Variants in TMEM132C observed in about 807,000 individuals in gnomAD.
The protein encoded by TMEM132C is transmembrane protein 132C.
TMEM132C carries 29 observed loss-of-function variants against 61.4 expected under a neutral mutation model. That is an observed-to-expected ratio of 0.47 (90% CI 0.35 to 0.64). The LOEUF (loss-of-function observed/expected upper bound fraction) is 0.64. Ranked by LOEUF, TMEM132C falls within the 30% of genes least tolerant of loss-of-function variation. The pLI, the probability that TMEM132C is intolerant of heterozygous loss-of-function variation, is 0.00. For missense variants in TMEM132C, 1,408 were observed against 1,476.9 expected (o/e 0.95, Z 0.76); for synonymous variants, 656 against 633.1 (o/e 1.04, Z -0.54).
intron 1 of TMEM132C, among the ~76,000 whole-genome samples, chr12:128,372,929 T>G (rs1874072975): frequency 6.6e-6 from 1 of 152,220 alleles, no homozygotes; most frequent in Non-Finnish European, 1.5e-5. Context: ...TTAGCAGCAA[T>G]TTTATAGGGG....
rs192175945 is a variant in TMEM132C, at chr12:128,602,453, C to G, written c.1122-13699C>G. Reference sequence around the variant, plus strand: ...CCTCTCGAGCTCTGCCTGATCTGCCCAAGATTGACCCAGGAGGGCAAGCTC... The same window carrying G: ...CCTCTCGAGCTCTGCCTGATCTGCCGAAGATTGACCCAGGAGGGCAAGCTC... On this transcript the variant is annotated intron_variant, in intron 3 of 8. Coordinates refer to ENST00000435159, the MANE Select transcript of TMEM132C (RefSeq NM_001136103.3). Among the ~76,000 whole-genome samples, 984 of 152,322 alleles carry G rather than the reference C, an allele frequency of 6.5e-3. 8 individuals are homozygous for G. The highest frequency in any genetic ancestry group is 8.1e-3 in the Non-Finnish European group (554 of 68,022).
chr12:128,589,474 T>C (rs1875672776), intron 3 of TMEM132C, among the ~76,000 whole-genome samples: 1 of 152,068 alleles, frequency 6.6e-6, no homozygotes, highest in African/African-American at 2.4e-5. Flanking sequence ...TTCCAGGTTT[T>C]AGTATAAAAA....
At chr12:128,366,142 G>A (rs1873861169) in intron 1 of TMEM132C, among the ~76,000 whole-genome samples, 1 of 152,184 alleles carries the variant, frequency 6.6e-6, no homozygotes, top group African/African-American at 2.4e-5. Context: ...TCGGCCTCCA[G>A]CCCAGGGCCG....
intron 1 of TMEM132C, among the ~76,000 whole-genome samples, chr12:128,396,768 AG>A (rs2136005406): frequency 6.6e-6 from 1 of 152,314 alleles, no homozygotes. Flanking sequence ...GGAAGTGGCC[AG>A]GCTGTGATTG....
intron 2 of TMEM132C, among the ~76,000 whole-genome samples, chr12:128,486,129 C>T (rs888300139): frequency 6.6e-6 from 1 of 152,154 alleles, no homozygotes. Context: ...CTCGGCGACA[C>T]CTTCTGGACC....
At chr12:128,684,261 A>G (rs1375436784) in intron 5 of TMEM132C, among the ~76,000 whole-genome samples, 2 of 151,776 alleles carry the variant, frequency 1.3e-5, no homozygotes. Flanking sequence ...AGCACATAGT[A>G]GGGGCACAGA....
intron 1 of TMEM132C, among the ~76,000 whole-genome samples, chr12:128,324,105 C>T (rs760241150): frequency 1.3e-5 from 2 of 152,156 alleles, no homozygotes; most frequent in Non-Finnish European, 2.9e-5. Context: ...CTTAGAGAGT[C>T]GCTGTGGGCC....
chr12:128,355,829 G>T (rs187330321), intron 1 of TMEM132C, among the ~76,000 whole-genome samples: 1 of 151,994 alleles, frequency 6.6e-6, no homozygotes, highest in Non-Finnish European at 1.5e-5. Flanking sequence ...GCCTCCTTTG[G>T]AGCTTTACTT....
intron 3 of TMEM132C, among the ~76,000 whole-genome samples, chr12:128,598,300 G>A (rs1876043083): frequency 6.6e-6 from 1 of 152,134 alleles, no homozygotes; most frequent in Admixed American, 6.5e-5. Flanking sequence ...GCTGGATGTG[G>A]TGGCACACAC....
At chr12:128,566,189 C>CAAAAAAAAAAAAAAAAAAAAAAAAA (rs59258589) in intron 3 of TMEM132C, among the ~76,000 whole-genome samples, 1 of 67,836 alleles carries the variant, frequency 1.5e-5, no homozygotes, top group Non-Finnish European at 3.2e-5. Flanking sequence ...CAAGCCTAAC[C>CAAAAAAAAAAAAAAAAAAAAAAAAA]AAAAAAAAAA....
At chr12:128,606,304 C>T (rs538714874) in intron 3 of TMEM132C, among the ~76,000 whole-genome samples, 3 of 152,336 alleles carry the variant, frequency 2.0e-5, no homozygotes, top group South Asian at 2.1e-4. Flanking sequence ...GCACAACAGA[C>T]CCCTCCCCCG....
intron 2 of TMEM132C, among the ~76,000 whole-genome samples, chr12:128,466,177 C>A (rs1329564629): frequency 6.6e-6 from 1 of 152,088 alleles, no homozygotes; most frequent in East Asian, 1.9e-4. Flanking sequence ...AACTAGCCAG[C>A]ATGTGTGAAG....
At chr12:128,533,616 T>C (rs1236068500) in intron 2 of TMEM132C, among the ~76,000 whole-genome samples, 2 of 152,046 alleles carry the variant, frequency 1.3e-5, no homozygotes, top group African/African-American at 2.4e-5. Context: ...ATCTCCAAAT[T>C]TCCCCTTTTC....
intron 3 of TMEM132C, among the ~76,000 whole-genome samples, chr12:128,614,128 C>G (rs552227504): frequency 6.6e-6 from 1 of 152,334 alleles, no homozygotes; most frequent in East Asian, 1.9e-4. Context: ...CTTCCATGCT[C>G]TTCCTTCTTG....
At chr12:128,669,704 C>T (rs770316177) in intron 5 of TMEM132C, 144 bp downstream of exon 5, 55 of 1,057,490 alleles carry the variant, frequency 5.2e-5, no homozygotes, top group East Asian at 1.1e-4. Context: ...ATCCACTCAA[C>T]GTGTCCATTG....
intron 1 of TMEM132C, among the ~76,000 whole-genome samples, chr12:128,301,099 A>G (rs77747495): frequency 0.19 from 28,429 of 152,118 alleles, 2,684 homozygotes; most frequent in East Asian, 0.25. Flanking sequence ...ACCTTTTACC[A>G]TGCACACTGA....
At position 128,653,251 on chromosome 12, in the gene TMEM132C, T is replaced by G. The variant is rs184362703; in HGVS notation, c.1306-16166T>G. 5.4e-3 allele frequency among the ~76,000 whole-genome samples: 802 copies of G among 149,394 alleles called. 6 individuals carry two copies. Among genetic ancestry groups the G allele is most frequent in the African/African-American group, 0.018 (729 of 40,862 alleles). On this transcript the variant is annotated intron_variant, in intron 4 of 8. Transcript: ENST00000435159. Reference sequence around the variant, plus strand: ...ATAGAGGCAGAAAGCCAATTAGTGGTTGCTGGGGGCTGGGAGGAGGGGGGG... The same window carrying G: ...ATAGAGGCAGAAAGCCAATTAGTGGGTGCTGGGGGCTGGGAGGAGGGGGGG...
At chr12:128,364,142 T>C (rs1284494566) in intron 1 of TMEM132C, among the ~76,000 whole-genome samples, 1 of 152,174 alleles carries the variant, frequency 6.6e-6, no homozygotes, top group Non-Finnish European at 1.5e-5. Flanking sequence ...ATCCCGCATC[T>C]GACCTGACCC....
chr12:128,691,716 CATCT>C (rs1283967163), intron 5 of TMEM132C, among the ~76,000 whole-genome samples: 4 of 152,182 alleles, frequency 2.6e-5, no homozygotes, highest in South Asian at 4.2e-4. Context: ...CCCATCAGTT[CATCT>C]ATCTATCCAG....
Sources: allele counts gnomAD v4.1 joint callset (sites outside exome capture counted in the v4.1 genomes callset), GRCh38; gene constraint gnomAD v4.1.1; transcripts MANE v1.5; gene names NCBI Gene and HGNC (gene_info 2026-07-23, HGNC 2026-07-21).